COBL: variants seen among roughly 807,000 people sequenced by gnomAD.
COBL encodes the protein cordon-bleu WH2 repeat protein, also known as protein cordon-bleu.
COBL carries 51 observed loss-of-function variants against 98.8 expected under a neutral mutation model. The observed-to-expected ratio is 0.52, with a 90% CI of 0.41 to 0.65. The LOEUF (loss-of-function observed/expected upper bound fraction) is 0.65, where lower values mean the gene tolerates loss of function less well. COBL is among the 30% of genes least tolerant of loss of function. The probability of loss-of-function intolerance (pLI) is 0.00; values close to 1 mark genes in which losing one functional copy is unlikely to be tolerated. For missense variants in COBL, 1,617 were observed against 1,617.5 expected (o/e 1.00, Z 0.01); for synonymous variants, 634 against 651.7 (o/e 0.97, Z 0.41).
At chr7:51,302,177 A>AG (rs765218855) in intron 1 of COBL, among the ~76,000 whole-genome samples, 1 of 152,204 alleles carries the variant, frequency 6.6e-6, no homozygotes. Flanking sequence ...ATAAATTTGG[A>AG]GGGGGTCACA....
At chr7:51,136,602 G>A (rs1042883767) in intron 5 of COBL, among the ~76,000 whole-genome samples, 1 of 152,166 alleles carries the variant, frequency 6.6e-6, no homozygotes, top group African/African-American at 2.4e-5. Context: ...AGAACACTTA[G>A]CAGCTAGAAT....
At chr7:51,072,612 T>TACC (rs1444479199) in intron 7 of COBL, 1 of 152,230 alleles carries the variant, frequency 6.6e-6, no homozygotes, top group Non-Finnish European at 1.5e-5. Context: ...ACTGGTGTAA[T>TACC]ACCTAGCATC....
chr7:51,177,697 CAGG>C (rs2129047883), intron 5 of COBL, among the ~76,000 whole-genome samples: 1 of 151,542 alleles, frequency 6.6e-6, no homozygotes, highest in East Asian at 1.9e-4. Flanking sequence ...CACTTGAACC[CAGG>C]AGGCAGAGGT....
At chr7:51,103,117 T>C (rs1255241767) in intron 6 of COBL, among the ~76,000 whole-genome samples, 1 of 152,246 alleles carries the variant, frequency 6.6e-6, no homozygotes, top group African/African-American at 2.4e-5. Flanking sequence ...AAACAGGCTT[T>C]CAGAAAGGCT....
intron 5 of COBL, among the ~76,000 whole-genome samples, chr7:51,147,680 A>G (rs1785157071): frequency 6.6e-6 from 1 of 152,196 alleles, no homozygotes; most frequent in Non-Finnish European, 1.5e-5. Context: ...TTGGACTAGT[A>G]TAAGCATGCC....
chr7:51,178,178 C>T (rs1006327235), intron 5 of COBL, among the ~76,000 whole-genome samples: 7 of 152,052 alleles, frequency 4.6e-5, no homozygotes, highest in African/African-American at 1.4e-4. Flanking sequence ...CCCTCTCTCT[C>T]TCTATATATA....
chr7:51,178,958 G>GA (rs1223865166), intron 5 of COBL, among the ~76,000 whole-genome samples: 1 of 151,868 alleles, frequency 6.6e-6, no homozygotes, highest in African/African-American at 2.4e-5. Context: ...TGAAATCTTT[G>GA]AAAAAAATCA....
chr7:51,164,098 T>C (rs1787072550), intron 5 of COBL, among the ~76,000 whole-genome samples: 1 of 152,234 alleles, frequency 6.6e-6, no homozygotes, highest in Non-Finnish European at 1.5e-5. Flanking sequence ...TTTTATCTCT[T>C]TCCTTTATTT....
chr7:51,084,950 G>A (rs559646414), intron 7 of COBL, among the ~76,000 whole-genome samples: 62 of 152,060 alleles, frequency 4.1e-4, no homozygotes, highest in African/African-American at 1.3e-3. Flanking sequence ...ACCGTCCCCC[G>A]CCTCCTAAAT....
intron 5 of COBL, among the ~76,000 whole-genome samples, chr7:51,149,751 G>A (rs1238370159): frequency 6.6e-6 from 1 of 152,064 alleles, no homozygotes; most frequent in African/African-American, 2.4e-5. Flanking sequence ...GATTACATGT[G>A]CCCACCACCA....
At chr7:51,220,870 C>A (rs368094809) in intron 1 of COBL, among the ~76,000 whole-genome samples, 1 of 152,212 alleles carries the variant, frequency 6.6e-6, no homozygotes, top group African/African-American at 2.4e-5. Context: ...CCAGGGAAAG[C>A]AACTGGCCTT....
At chr7:51,111,472 T>C (rs530785636) in intron 6 of COBL, among the ~76,000 whole-genome samples, 2 of 152,350 alleles carry the variant, frequency 1.3e-5, no homozygotes, top group Admixed American at 1.3e-4. Flanking sequence ...TGCATAATTG[T>C]AAGCAGGATC....
At chr7:51,095,739 C>T (rs554866882) in intron 6 of COBL, among the ~76,000 whole-genome samples, 74 of 152,086 alleles carry the variant, frequency 4.9e-4, no homozygotes, top group Non-Finnish European at 9.9e-4. Flanking sequence ...TGAATATGGC[C>T]ATAATTACAT....
intron 5 of COBL, among the ~76,000 whole-genome samples, chr7:51,146,549 C>T (rs529168480): frequency 2.0e-4 from 31 of 151,854 alleles, no homozygotes; most frequent in African/African-American, 7.5e-4. Context: ...AGCGCTTCTG[C>T]CATGCCCCAC....
At chr7:51,170,005 A>T (rs1366206954) in intron 5 of COBL, among the ~76,000 whole-genome samples, 1 of 152,120 alleles carries the variant, frequency 6.6e-6, no homozygotes, top group Admixed American at 6.5e-5. Context: ...TAAAAAAACA[A>T]ATTTATCAAT....
intron 7 of COBL, among the ~76,000 whole-genome samples, chr7:51,073,938 G>A (rs1792807221): frequency 1.3e-5 from 2 of 152,130 alleles, no homozygotes; most frequent in Admixed American, 6.5e-5. Context: ...AGTACCTGTG[G>A]AGCAAACTCC....
At chr7:51,301,645 T>C (rs1349447540) in intron 1 of COBL, among the ~76,000 whole-genome samples, 1 of 152,228 alleles carries the variant, frequency 6.6e-6, no homozygotes, top group African/African-American at 2.4e-5. Flanking sequence ...TTAAGGCCTC[T>C]GACCAATCCC....
chr7:51,243,063 C>T (rs886985795), intron 1 of COBL, among the ~76,000 whole-genome samples: 3 of 152,196 alleles, frequency 2.0e-5, no homozygotes, highest in African/African-American at 7.2e-5. Flanking sequence ...TTGTTAAACT[C>T]GCCTTGGTGG....
chr7:51,215,810 G>A (rs775511394), intron 2 of COBL, among the ~76,000 whole-genome samples: 1 of 152,240 alleles, frequency 6.6e-6, no homozygotes, highest in African/African-American at 2.4e-5. Flanking sequence ...TCACAGGACA[G>A]AGAGGGATGA....
Sources: allele counts gnomAD v4.1 joint callset (sites outside exome capture counted in the v4.1 genomes callset), GRCh38; gene constraint gnomAD v4.1.1; transcripts MANE v1.5; gene names NCBI Gene and HGNC (gene_info 2026-07-23, HGNC 2026-07-21).